Variants in SLC25A43 observed in about 807,000 individuals in gnomAD.
SLC25A43 encodes solute carrier family 25 member 43.
SLC25A43 carries 10 observed loss-of-function variants against 22.8 expected under a neutral mutation model. The ratio of observed to expected loss-of-function variants is 0.44; its 90% CI spans 0.27 to 0.74. SLC25A43 has a LOEUF of 0.74. Among genes scored for constraint, SLC25A43 ranks in the 30% least tolerant of loss-of-function variants. The probability of loss-of-function intolerance (pLI) is 0.17; values close to 1 mark genes in which losing one functional copy is unlikely to be tolerated. For synonymous variants in SLC25A43, 106 were observed against 121.6 expected (o/e 0.87, Z 0.84); for missense variants, 233 against 279.1 (o/e 0.83, Z 1.18).
At chrX:119,404,343 C>T (rs2052267900) in intron 1 of SLC25A43, among the ~76,000 whole-genome samples, 1 of 111,625 alleles carries the variant, frequency 9.0e-6, no homozygotes, top group African/African-American at 3.3e-5. Context: ...AGTTGGGGTT[C>T]CCACGACCCC....
At position 119,415,704 on chromosome X, in the gene SLC25A43, A is replaced by C. The variant is rs775859660; in HGVS notation, c.690+5342A>C. ...AGCAAGACTCAGTCTCAAAAAAAAA[A>C]AAAAATTTACCTGGTGCACAGGTGC... is the stretch of plus-strand genomic sequence containing the variant. On this transcript the variant is annotated intron_variant, in intron 3 of 4. Transcript: ENST00000217909. Among the ~76,000 whole-genome samples, 213 of 107,083 alleles carry C rather than the reference A, an allele frequency of 2.0e-3. 2 individuals carry two copies. Among genetic ancestry groups the C allele is most frequent in the African/African-American group, 7.1e-3 (208 of 29,298 alleles). 93.0% of individuals were successfully genotyped at this position (107,083 alleles called of 115,157 possible). A position where few individuals can be genotyped will look rare whatever the true frequency, so the allele number is the denominator to read the frequency against.
intron 1 of SLC25A43, among the ~76,000 whole-genome samples, chrX:119,401,895 A>G (rs1235823490): frequency 9.0e-6 from 1 of 111,114 alleles, no homozygotes; most frequent in African/African-American, 3.3e-5. Context: ...ATAGGTGACC[A>G]TGGGAGCAGA....
chrX:119,419,211 G>C (rs978608199), intron 3 of SLC25A43, among the ~76,000 whole-genome samples: 1 of 110,949 alleles, frequency 9.0e-6, no homozygotes, highest in Admixed American at 9.6e-5. Flanking sequence ...ACACATGCTC[G>C]GTCCCCCCAC....
intron 1 of SLC25A43, among the ~76,000 whole-genome samples, chrX:119,405,255 A>C (rs1228490094): frequency 3.6e-5 from 4 of 111,825 alleles, no homozygotes; most frequent in Non-Finnish European, 5.6e-5. Context: ...GACAAAATGA[A>C]GTCAAGACTC....
intron 3 of SLC25A43, among the ~76,000 whole-genome samples, chrX:119,443,432 TTCTC>T (rs748821003): frequency 1.2e-3 from 114 of 94,902 alleles, no homozygotes; most frequent in African/African-American, 4.2e-3. Context: ...CCATTCTCTA[TTCTC>T]TCTCTCTCTC....
chrX:119,445,636 C>T (rs748337058), intron 3 of SLC25A43, among the ~76,000 whole-genome samples: 1 of 111,996 alleles, frequency 8.9e-6, no homozygotes, highest in East Asian at 2.8e-4. Flanking sequence ...AGCATCTGGC[C>T]TCTAGGTCTG....
intron 3 of SLC25A43, 56 bp downstream of exon 3, chrX:119,410,418 G>C (rs16995515): frequency 0.047 from 53,655 of 1,145,000 alleles, 1,274 homozygotes; most frequent in Admixed American, 0.14. Context: ...GTTTGTGGTC[G>C]GGTAATAACA....
At chrX:119,421,095 G>C (rs1374632070) in intron 3 of SLC25A43, among the ~76,000 whole-genome samples, 1 of 80,213 alleles carries the variant, frequency 1.2e-5, no homozygotes, top group East Asian at 4.3e-4. Flanking sequence ...CTCGGTGACA[G>C]AGCGAAACTT....
At chrX:119,444,462 T>C (rs931603479) in intron 3 of SLC25A43, among the ~76,000 whole-genome samples, 3 of 110,512 alleles carry the variant, frequency 2.7e-5, no homozygotes. Flanking sequence ...TCCCAGCACT[T>C]TGGGAGGCCG....
At chrX:119,450,482 GAAAT>G (rs1481512686) in intron 3 of SLC25A43, among the ~76,000 whole-genome samples, 2 of 111,780 alleles carry the variant, frequency 1.8e-5, no homozygotes, top group Non-Finnish European at 3.8e-5. Flanking sequence ...ATAAATAAAG[GAAAT>G]AAATAAGTAA....
In SLC25A43 at chrX:119,422,532, T is replaced by C. The variant is rs138897596; in HGVS notation, c.690+12170T>C. Among the ~76,000 whole-genome samples, 633 of 112,705 alleles carry C rather than the reference T, an allele frequency of 5.6e-3. 4 individuals are homozygous for C. Among genetic ancestry groups the C allele is most frequent in the Non-Finnish European group, 6.3e-3 (337 of 53,342 alleles). ...CCTGTGGGAAGTATGTCTTACACATTTGTATATCCTCACAACACACAGCCT... is the reference window on the plus strand; with the variant it reads ...CCTGTGGGAAGTATGTCTTACACATCTGTATATCCTCACAACACACAGCCT... On this transcript the variant is annotated intron_variant, in intron 3 of 4. Transcript: ENST00000217909.
chrX:119,449,413 CAAAAAAAA>C (rs34141915), intron 3 of SLC25A43, among the ~76,000 whole-genome samples: 1 of 72,702 alleles, frequency 1.4e-5, no homozygotes, highest in Non-Finnish European at 2.5e-5. Context: ...GACTCTGTCT[CAAAAAAAA>C]AAAAAAAAGA....
intron 3 of SLC25A43, among the ~76,000 whole-genome samples, chrX:119,445,658 C>T (rs643): frequency 0.24 from 26,234 of 111,070 alleles, 2,451 homozygotes; most frequent in African/African-American, 0.33. Context: ...CTCTGCTATG[C>T]ACCAGCTGGG....
At chrX:119,450,688 A>AT (rs1345378969) in intron 3 of SLC25A43, among the ~76,000 whole-genome samples, 1 of 111,960 alleles carries the variant, frequency 8.9e-6, no homozygotes, top group African/African-American at 3.2e-5. Context: ...ACAGAATGCC[A>AT]TATAGCCCCA....
chrX:119,406,459 G>A lies in SLC25A43; in HGVS notation c.276-1G>A. The A allele has an allele frequency of 1.7e-6, 2 of 1,209,880 alleles. No individual in the cohort carries two copies. Among genetic ancestry groups the A allele is most frequent in the East Asian group, 5.9e-5 (2 of 33,781 alleles). ...TGGCCTTTCCCCCTATTTTCTCCCA[G>A]ATTTGTTGTGCTGTTCACAGATGAC... On this transcript the variant is annotated splice_acceptor_variant, in intron 1 of 4. Transcript: ENST00000217909. LOFTEE classifies it high-confidence loss of function.
chrX:119,428,865 G>A (rs2052530711), intron 3 of SLC25A43, among the ~76,000 whole-genome samples: 1 of 110,305 alleles, frequency 9.1e-6, no homozygotes, highest in African/African-American at 3.3e-5. Context: ...AAGGGACCTG[G>A]GTTGCACACT....
At chrX:119,404,237 G>A (rs1256036983) in intron 1 of SLC25A43, among the ~76,000 whole-genome samples, 1 of 110,389 alleles carries the variant, frequency 9.1e-6, no homozygotes, top group African/African-American at 3.3e-5. Context: ...CTGACCTCAA[G>A]TGATCTGCCT....
At chrX:119,400,398 G>A (rs771286346) in intron 1 of SLC25A43, among the ~76,000 whole-genome samples, 3 of 111,490 alleles carry the variant, frequency 2.7e-5, no homozygotes, top group East Asian at 2.8e-4. Context: ...AGCTTCCACC[G>A]AGCTCAGAGG....
intron 3 of SLC25A43, among the ~76,000 whole-genome samples, chrX:119,420,973 A>G (rs1340486802): frequency 9.0e-6 from 1 of 110,559 alleles, no homozygotes; most frequent in Non-Finnish European, 1.9e-5. Context: ...TTAGCTGGGC[A>G]TCATGGCAGG....
Sources: gnomAD v4.1 joint callset for allele counts (sites outside exome capture counted in the v4.1 genomes callset) on GRCh38, gnomAD v4.1.1 for gene constraint, MANE v1.5 for transcripts, NCBI Gene and HGNC (gene_info 2026-07-23, HGNC 2026-07-21) for gene names.